The following TBL1Y variants were observed in gnomAD, a reference collection of about 807,000 sequenced individuals.
TBL1Y encodes the protein transducin beta like 1 Y-linked.
TBL1Y carries 15 observed loss-of-function variants against 12.0 expected under a neutral mutation model. That is an observed-to-expected ratio of 1.25 (90% CI 0.83 to 1.92). The LOEUF is 1.92. TBL1Y is among the 40% of genes most tolerant of loss of function. The pLI is 0.00. For missense variants in TBL1Y, 148 were observed against 116.7 expected, an observed-to-expected ratio of 1.27 and a Z score of -1.24; for synonymous variants, 53 against 42.6, an observed-to-expected ratio of 1.24 and a Z score of -0.95.
chrY:7,063,597 G>A, intron 7 of TBL1Y, among the ~76,000 whole-genome samples: 1 of 32,776 alleles, frequency 3.1e-5, no homozygotes, highest in African/African-American at 1.2e-4. Flanking sequence ...GAGTCAGGGT[G>A]GAGTAGGTAA....
chrY:7,009,376 T>C, intron 4 of TBL1Y, among the ~76,000 whole-genome samples: 1 of 33,601 alleles, frequency 3.0e-5, no homozygotes, highest in African/African-American at 1.2e-4. Context: ...CTTTTACATA[T>C]CAAAGTCAGG....
chrY:6,949,114 A>G, intron 2 of TBL1Y, among the ~76,000 whole-genome samples: 2 of 33,334 alleles, frequency 6.0e-5, no homozygotes, highest in East Asian at 7.8e-4. Context: ...AGCAAAAACA[A>G]AAACCCACAA....
chrY:7,052,484 CA>C (rs2012803125), intron 7 of TBL1Y, among the ~76,000 whole-genome samples: 1 of 33,873 alleles, frequency 3.0e-5, no homozygotes, highest in Non-Finnish European at 7.3e-5. Flanking sequence ...TCAGCAAGGC[CA>C]TTTTTTTACT....
intron 2 of TBL1Y, among the ~76,000 whole-genome samples, chrY:6,935,377 C>G: frequency 1.1e-4 from 3 of 27,642 alleles, no homozygotes; most frequent in African/African-American, 6.2e-4. Context: ...ATTATTTTGC[C>G]TGGCATCTTT....
chrY:7,065,034 T>C, intron 8 of TBL1Y, among the ~76,000 whole-genome samples: 1 of 33,347 alleles, frequency 3.0e-5, no homozygotes, highest in Non-Finnish European at 7.4e-5. Flanking sequence ...GGTCATTTAT[T>C]AACTATGCAG....
At chrY:6,986,386 G>A (rs2012317474) in intron 3 of TBL1Y, among the ~76,000 whole-genome samples, 1 of 33,130 alleles carries the variant, frequency 3.0e-5, no homozygotes, top group African/African-American at 1.2e-4. Context: ...AATGAGCCAG[G>A]TATGGTGGGG....
At chrY:7,039,294 C>T in intron 6 of TBL1Y, among the ~76,000 whole-genome samples, 1 of 33,545 alleles carries the variant, frequency 3.0e-5, no homozygotes, top group Non-Finnish European at 7.4e-5. Context: ...GTAACCAACA[C>T]CTTAGACTGG....
At chrY:7,062,339 G>T in intron 7 of TBL1Y, among the ~76,000 whole-genome samples, 1 of 34,136 alleles carries the variant, frequency 2.9e-5, no homozygotes. Context: ...GCATTAACGT[G>T]TCAGATTAGA....
chrY:7,079,607 A>T, intron 13 of TBL1Y, among the ~76,000 whole-genome samples: 1 of 34,075 alleles, frequency 2.9e-5, no homozygotes, highest in Non-Finnish European at 7.3e-5. Context: ...AAAGTCAGGG[A>T]GAGTGTTGGT....
chrY:6,917,884 TTCTC>T (rs2011746431), intron 2 of TBL1Y, among the ~76,000 whole-genome samples: 1 of 33,233 alleles, frequency 3.0e-5, no homozygotes, highest in Non-Finnish European at 7.4e-5. Context: ...TGCACAAGGT[TTCTC>T]TCTGTGCTCA....
chrY:7,083,633 C>T, intron 14 of TBL1Y, among the ~76,000 whole-genome samples: 1 of 32,354 alleles, frequency 3.1e-5, no homozygotes, highest in Non-Finnish European at 7.6e-5. Flanking sequence ...GCAGGCTGCT[C>T]CTGGGTCATA....
At chrY:6,931,955 G>C in intron 2 of TBL1Y, among the ~76,000 whole-genome samples, 1 of 33,750 alleles carries the variant, frequency 3.0e-5, no homozygotes, top group Non-Finnish European at 7.3e-5. Context: ...GGGAAGTTTG[G>C]GCTGGATTCA....
intron 2 of TBL1Y, among the ~76,000 whole-genome samples, chrY:6,975,902 CGTGTGT>C (rs757704602): frequency 3.6e-5 from 1 of 27,584 alleles, no homozygotes; most frequent in Non-Finnish European, 8.7e-5. Flanking sequence ...GAATATACTT[CGTGTGT>C]GTGTGTGTGT....
intron 7 of TBL1Y, among the ~76,000 whole-genome samples, chrY:7,053,768 C>T: frequency 3.0e-5 from 1 of 33,475 alleles, no homozygotes; most frequent in Non-Finnish European, 7.4e-5. Context: ...GGCCTTCAGG[C>T]AGTAGCAGGG....
At chrY:7,085,562 C>T (rs113634021) in intron 14 of TBL1Y, among the ~76,000 whole-genome samples, 339 of 32,966 alleles carry the variant, frequency 0.01, no homozygotes, top group Middle Eastern at 0.028. Context: ...TTTCAAAGCC[C>T]AGCTTTTAAA....
intron 4 of TBL1Y, among the ~76,000 whole-genome samples, chrY:7,013,207 A>G: frequency 3.0e-5 from 1 of 33,083 alleles, no homozygotes; most frequent in African/African-American, 1.2e-4. Context: ...CTGTGCCCCA[A>G]TTTGTCTGAA....
chrY:7,077,111 G>A (rs946212288), intron 13 of TBL1Y, among the ~76,000 whole-genome samples: 1 of 31,989 alleles, frequency 3.1e-5, no homozygotes, highest in Admixed American at 2.9e-4. Context: ...CACTCTATAG[G>A]CAAATTGCAT....
At chrY:7,036,514 AG>A in intron 6 of TBL1Y, among the ~76,000 whole-genome samples, 1 of 33,833 alleles carries the variant, frequency 3.0e-5, no homozygotes, top group Non-Finnish European at 7.4e-5. Context: ...CAAGGTGGGC[AG>A]GGGGTGACAA....
chrY:6,942,304 A>G (rs2011957426), intron 2 of TBL1Y, among the ~76,000 whole-genome samples: 1 of 33,302 alleles, frequency 3.0e-5, no homozygotes, highest in Non-Finnish European at 7.4e-5. Context: ...TTTAGCAGCT[A>G]TTTACCAACC....
Sources: gnomAD v4.1 joint callset for allele counts (sites outside exome capture counted in the v4.1 genomes callset) on GRCh38, gnomAD v4.1.1 for gene constraint, MANE v1.5 for transcripts, NCBI Gene and HGNC (gene_info 2026-07-23, HGNC 2026-07-21) for gene names.